Variants in ADAMTS20 observed in about 807,000 individuals in gnomAD.
The protein encoded by ADAMTS20 is ADAM metallopeptidase with thrombospondin type 1 motif 20, also known as A disintegrin and metalloproteinase with thrombospondin motifs 20.
ADAMTS20 carries 225 observed loss-of-function variants against 260.1 expected under a neutral mutation model. The observed-to-expected ratio is 0.87, with a 90% confidence interval of 0.78 to 0.97. The LOEUF is 0.97. ADAMTS20 is among the 50% of genes least tolerant of loss of function. The pLI, the probability that ADAMTS20 is intolerant of heterozygous loss-of-function variation, is 0.00. For synonymous variants in ADAMTS20, 802 were observed against 769.5 expected (o/e 1.04, Z -0.70); for missense variants, 2,400 against 2,337.7 (o/e 1.03, Z -0.55).
At chr12:43,444,814 T>C (rs1483189611) in intron 15 of ADAMTS20, among the ~76,000 whole-genome samples, 1 of 152,202 alleles carries the variant, frequency 6.6e-6, no homozygotes, top group Non-Finnish European at 1.5e-5. Flanking sequence ...TGGAATTAAC[T>C]TAAGAAGACA....
chr12:43,356,589 C>T lies in ADAMTS20; in HGVS notation c.5539-1G>A. On this transcript the variant is annotated splice_acceptor_variant, in intron 37 of 38. Transcript: ENST00000389420. LOFTEE classifies it high-confidence loss of function. ...CTGACAAATTAATGCTAAACTGTCC[C>T]TGGATTGTAAATAAAACAAAGAAAA... is the stretch of plus-strand genomic sequence containing the variant. 1 of 1,601,952 alleles carries T rather than the reference C, an allele frequency of 6.2e-7. No individual in the cohort carries two copies. Among genetic ancestry groups the T allele is most frequent in the Non-Finnish European group, 8.5e-7 (1 of 1,173,100 alleles).
intron 11 of ADAMTS20, among the ~76,000 whole-genome samples, chr12:43,461,600 C>T (rs1431780560): frequency 2.0e-5 from 3 of 152,022 alleles, no homozygotes; most frequent in African/African-American, 4.8e-5. Flanking sequence ...GAGGAAGGTG[C>T]CAGTCCTGGA....
intron 18 of ADAMTS20, among the ~76,000 whole-genome samples, chr12:43,439,377 T>G (rs1315912344): frequency 6.6e-6 from 1 of 151,900 alleles, no homozygotes; most frequent in Non-Finnish European, 1.5e-5. Context: ...AACGGGAAAG[T>G]AAAAGAACAG....
rs1166947792 is a variant in ADAMTS20, at chr12:43,551,930, C to T, written c.-9G>A. ...CACTTGGCCACCCACATGGTTCCACCCTGGGGACCCCGATCGGGGAGGCCC... is the reference window on the plus strand; with the variant it reads ...CACTTGGCCACCCACATGGTTCCACTCTGGGGACCCCGATCGGGGAGGCCC... On this transcript the variant is annotated 5_prime_UTR_variant, in exon 1 of 39. Coordinates refer to ENST00000389420, the MANE Select transcript of ADAMTS20 (RefSeq NM_025003.5). This position sits in a 1 kb window ranked among gnomAD's most constrained non-coding sequence, Gnocchi z 4.6. The T allele has an allele frequency of 6.2e-6, 10 of 1,612,894 alleles. No homozygotes were observed. The highest frequency in any genetic ancestry group is 8.5e-6 in the Non-Finnish European group (10 of 1,179,374).
Position 43,466,815 on chromosome 12 carries a change from C to T in ADAMTS20, c.1224-20G>A, listed in dbSNP as rs781328146. On this transcript the variant is annotated intron_variant, in intron 8 of 38. Coordinates refer to ENST00000389420, the MANE Select transcript of ADAMTS20 (RefSeq NM_025003.5). ...CCAAGTCTAAAAATAAAAATAAACA[C>T]TTAAAAGGAATATCAAAAGATGCTT... is the stretch of plus-strand genomic sequence containing the variant. 1 of 1,542,072 alleles carries T rather than the reference C, an allele frequency of 6.5e-7. No individual in the cohort carries two copies. Among genetic ancestry groups the T allele is most frequent in the Non-Finnish European group, 8.9e-7 (1 of 1,126,718 alleles).
chr12:43,543,595 G>A (rs143235199), intron 2 of ADAMTS20, among the ~76,000 whole-genome samples: 2,820 of 152,280 alleles, frequency 0.019, 45 homozygotes, highest in Non-Finnish European at 0.031. Flanking sequence ...CAGAGATCCT[G>A]GACATTGAGC....
intron 27 of ADAMTS20, 40 bp downstream of exon 27, chr12:43,427,268 A>G (rs776508466): frequency 6.3e-7 from 1 of 1,595,418 alleles, no homozygotes; most frequent in Non-Finnish European, 8.6e-7. Context: ...GTCTTCAGAG[A>G]TGTAATAATC....
At chr12:43,411,220 A>G (rs2137272034) in intron 28 of ADAMTS20, among the ~76,000 whole-genome samples, 1 of 152,302 alleles carries the variant, frequency 6.6e-6, no homozygotes, top group East Asian at 1.9e-4. Flanking sequence ...AGTCTTCAAA[A>G]TTATCAAATA....
intron 37 of ADAMTS20, among the ~76,000 whole-genome samples, 190 bp downstream of exon 37, chr12:43,369,096 TAAAC>T (rs1198306584): frequency 6.6e-6 from 1 of 152,144 alleles, no homozygotes; most frequent in Non-Finnish European, 1.5e-5. Flanking sequence ...TTATGCCTTT[TAAAC>T]AAACCCAAAA....
chr12:43,427,433 C>T lies in ADAMTS20; in HGVS notation c.3982G>A (p.Ala1328Thr), dbSNP rs941854141. ...CCATTTTCATCCTGGCAGACCACAG[C>T]CCTATGCTGAAGACCTCCAGAACAA... ...SSCSGGLQHR[A>T]VVCQDENGQS... The change falls in exon 27 of 39, where the codon GCT (alanine) becomes ACT (threonine). Residue 1328 changes from alanine to threonine, a missense_variant. Coordinates refer to ENST00000389420, the MANE Select transcript of ADAMTS20 (RefSeq NM_025003.5). 2.5e-6 allele frequency: 4 copies of T among 1,613,550 alleles called. No homozygotes were observed. Among genetic ancestry groups the T allele is most frequent in the South Asian group, 1.1e-5 (1 of 91,052 alleles).
intron 22 of ADAMTS20, 105 bp downstream of exon 22, chr12:43,431,227 A>C (rs970101635): frequency 8.1e-7 from 1 of 1,234,604 alleles, no homozygotes; most frequent in African/African-American, 1.5e-5. Flanking sequence ...TAATAAACCA[A>C]GCCAAATTCC....
At chr12:43,488,855 T>C (rs1014472922) in intron 7 of ADAMTS20, among the ~76,000 whole-genome samples, 1 of 152,152 alleles carries the variant, frequency 6.6e-6, no homozygotes, top group African/African-American at 2.4e-5. Flanking sequence ...TTGTTTTGAC[T>C]GTTGCCTTTG....
intron 3 of ADAMTS20, among the ~76,000 whole-genome samples, chr12:43,530,975 A>G (rs1943213024): frequency 6.6e-6 from 1 of 152,022 alleles, no homozygotes; most frequent in Admixed American, 6.6e-5. Context: ...ATTATCTAGT[A>G]TCTAGGTATA....
intron 19 of ADAMTS20, among the ~76,000 whole-genome samples, chr12:43,433,141 A>G (rs1345704513): frequency 6.6e-5 from 10 of 152,186 alleles, no homozygotes; most frequent in Admixed American, 6.5e-4. Context: ...GTTTATCCCT[A>G]TGCAATCCTC....
chr12:43,472,865 C>T (rs2137397162), intron 7 of ADAMTS20, among the ~76,000 whole-genome samples: 1 of 148,502 alleles, frequency 6.7e-6, no homozygotes, highest in Admixed American at 6.7e-5. Context: ...ACAACCGGTA[C>T]CAGCCACTGC....
chr12:43,531,303 G>C (rs1337071290), intron 3 of ADAMTS20, among the ~76,000 whole-genome samples: 2 of 151,704 alleles, frequency 1.3e-5, no homozygotes, highest in East Asian at 1.9e-4. Context: ...CTGTTACTTA[G>C]GTTCAGGAAT....
Position 43,419,739 on chromosome 12 carries a change from A to AAC in ADAMTS20, c.4284+5773_4284+5774dup, listed in dbSNP as rs147586045. Among the ~76,000 whole-genome samples the AAC allele has an allele frequency of 6.9e-4, 103 of 148,892 alleles. 1 individual carries two copies. Among genetic ancestry groups the AAC allele is most frequent in the East Asian group, 1.4e-3 (7 of 5,092 alleles). ...CTCAACATTATAACACACACACACA[A>AAC]ACACACACACACACACACAGTCTCC... is the stretch of plus-strand genomic sequence containing the variant. On this transcript the variant is annotated intron_variant, in intron 28 of 38. Coordinates refer to ENST00000389420, the MANE Select transcript of ADAMTS20 (RefSeq NM_025003.5).
chr12:43,427,841 T>A (rs1941362399), intron 26 of ADAMTS20, among the ~76,000 whole-genome samples: 1 of 152,226 alleles, frequency 6.6e-6, no homozygotes. Context: ...ATGAATGTTA[T>A]GTAAAATATG....
chr12:43,377,780 T>C (rs1207539661), intron 31 of ADAMTS20, among the ~76,000 whole-genome samples: 1 of 150,336 alleles, frequency 6.7e-6, no homozygotes, highest in African/African-American at 2.5e-5. Flanking sequence ...CTAGATTTTC[T>C]AGCTGTAGTG....
Sources: allele counts gnomAD v4.1 joint callset (sites outside exome capture counted in the v4.1 genomes callset), GRCh38; gene constraint gnomAD v4.1.1; non-coding constraint Gnocchi (gnomAD v3.1); transcripts MANE v1.5; gene names NCBI Gene and HGNC (gene_info 2026-07-23, HGNC 2026-07-21).